Variants in TASOR observed in about 807,000 individuals in gnomAD.
TASOR encodes the protein transcription activation suppressor.
TASOR carries 53 observed loss-of-function variants against 178.6 expected under a neutral mutation model. That is an observed-to-expected ratio of 0.30 (90% CI 0.24 to 0.37). TASOR has a LOEUF of 0.37. Ranked by LOEUF, TASOR falls within the 10% of genes least tolerant of loss-of-function variation. TASOR has a pLI of 1.00. For missense variants in TASOR, 1,815 were observed against 1,971.4 expected (o/e 0.92, Z 1.50); for synonymous variants, 713 against 696.2 (o/e 1.02, Z -0.38).
chr3:56,682,981 G>T lies in TASOR; in HGVS notation c.26C>A (p.Ala9Asp). The change falls in exon 1 of 24, where the codon GCC becomes GAC. Residue 9 changes from alanine to aspartate, a missense_variant. Around this residue, in one of 5 missense-constraint regions of TASOR, gnomAD observed 244 missense variants for 202.7 expected, o/e 1.20. Coordinates refer to ENST00000683822, the MANE Select transcript of TASOR (RefSeq NM_001365635.2). ...CCAACTCGCATCCGTCGGCTGACAG[G>T]CCTCCGTCTCCACAGCAGTCGCCAT... is the stretch of plus-strand genomic sequence containing the variant. MATAVETE[A>D]CQPTDASWES... 6.5e-7 allele frequency: 1 copy of T among 1,548,780 alleles called. No individual in the cohort carries two copies. Among genetic ancestry groups the T allele is most frequent in the South Asian group, 1.2e-5 (1 of 83,936 alleles).
At chr3:56,674,431 G>C (rs189351551) in intron 1 of TASOR, among the ~76,000 whole-genome samples, 1 of 151,888 alleles carries the variant, frequency 6.6e-6, no homozygotes, top group Non-Finnish European at 1.5e-5. Context: ...GATCCTTTGA[G>C]CCCAGGAGTT....
intron 13 of TASOR, among the ~76,000 whole-genome samples, 188 bp from the exon 14 acceptor site, chr3:56,647,411 G>A (rs2077258132): frequency 6.6e-6 from 1 of 151,988 alleles, no homozygotes. Context: ...GTAAAGTCCA[G>A]GATCCTAAAA....
Position 56,673,621 on chromosome 3 carries a change from T to C in TASOR, c.436A>G (p.Arg146Gly), listed in dbSNP as rs1470765750. Residue 146 changes from arginine to glycine, a missense_variant, in exon 2 of 24, where the codon AGA becomes GGA. By Grantham distance (125) the Arg-to-Gly change is moderately radical (BLOSUM62 -2). Around this residue, in one of 5 missense-constraint regions of TASOR, gnomAD observed 244 missense variants for 202.7 expected, o/e 1.20. Coordinates refer to ENST00000683822, the MANE Select transcript of TASOR (RefSeq NM_001365635.2). ...TCATTGTGTACCAAGCAAGCACGTC[T>C]GTAGTTAAAATTTGTTACTGAGGTT... The part of the protein sequence containing the change: ...EPTSVTNFNY[R>G]RACLVHNELL... 5.2e-6 allele frequency: 8 copies of C among 1,551,228 alleles called. No individual in the cohort carries two copies. Among genetic ancestry groups the C allele is most frequent in the East Asian group, 2.4e-5 (1 of 40,864 alleles).
At chr3:56,637,385 G>A (rs1197747462) in intron 17 of TASOR, among the ~76,000 whole-genome samples, 6 of 152,150 alleles carry the variant, frequency 3.9e-5, no homozygotes, top group African/African-American at 7.2e-5. Context: ...AGCCGGGTGC[G>A]GTGGCACATG....
At chr3:56,663,518 C>A in intron 8 of TASOR, 23 bp downstream of exon 8, 1 of 1,065,372 alleles carries the variant, frequency 9.4e-7, no homozygotes, top group Non-Finnish European at 1.3e-6. Flanking sequence ...ATTTATAAAA[C>A]TAAAGAAACA....
chr3:56,653,870 C>T (rs1213266172), intron 11 of TASOR, among the ~76,000 whole-genome samples: 4 of 152,034 alleles, frequency 2.6e-5, no homozygotes, highest in African/African-American at 9.7e-5. Context: ...AATGAAAATA[C>T]TGCACATTAA....
In TASOR at chr3:56,621,494, C is replaced by T. The variant is rs371499254; in HGVS notation, c.*1543G>A. 385 of 1,279,140 alleles carry T rather than the reference C, an allele frequency of 3.0e-4. 1 individual carries two copies. Among genetic ancestry groups the T allele is most frequent in the Non-Finnish European group, 6.8e-5 (62 of 905,722 alleles). The allele number at this position is 1,279,140 out of a possible 1,614,324, so 79.2% of individuals were successfully genotyped here. ...AACACAACATTGCAAGTCAGGTGTG[C>T]ACATTTTACTAACAAACATATATCA... On this transcript the variant is annotated 3_prime_UTR_variant, in exon 24 of 24. Transcript: ENST00000683822.
At chr3:56,624,412 G>T in intron 23 of TASOR, 67 bp downstream of exon 23, 1 of 1,521,990 alleles carries the variant, frequency 6.6e-7, no homozygotes, top group South Asian at 1.2e-5. Flanking sequence ...TTCATTATTT[G>T]GTAACAGCAA....
chr3:56,626,765 C>T (rs1420780739), intron 21 of TASOR, among the ~76,000 whole-genome samples: 1 of 151,948 alleles, frequency 6.6e-6, no homozygotes, highest in Non-Finnish European at 1.5e-5. Context: ...GAAAAAAATG[C>T]TGATCATTCC....
intron 2 of TASOR, among the ~76,000 whole-genome samples, chr3:56,672,577 T>C (rs891070569): frequency 1.3e-5 from 2 of 152,228 alleles, no homozygotes; most frequent in Admixed American, 6.5e-5. Context: ...TTCTAATTTG[T>C]ACATGAAACT....
intron 18 of TASOR, among the ~76,000 whole-genome samples, chr3:56,630,750 CAGG>C (rs2076892334): frequency 6.6e-6 from 1 of 152,076 alleles, no homozygotes; most frequent in African/African-American, 2.4e-5. Flanking sequence ...GAGGATGAGG[CAGG>C]AGAATTGCTT....
chr3:56,624,492 A>G lies in TASOR; in HGVS notation c.4470T>C (p.Leu1490=). The G allele has an allele frequency of 6.2e-7, 1 of 1,612,730 alleles. No individual in the cohort carries two copies. Among genetic ancestry groups the G allele is most frequent in the South Asian group, 1.1e-5 (1 of 90,786 alleles). The change falls in exon 23 of 24, where the codon CTT becomes CTC. Residue 1490 remains leucine, a synonymous_variant. Transcript: ENST00000683822. ...NLPQLGANEN[L]ESQSALLEND... Reference sequence around the variant, plus strand: ...CTGAAAAGTTACCTGACTGCGACTCAAGATTCTCATTAGCACCAAGCTGTG... The same window carrying G: ...CTGAAAAGTTACCTGACTGCGACTCGAGATTCTCATTAGCACCAAGCTGTG...
At chr3:56,680,299 G>A (rs1174305426) in intron 1 of TASOR, among the ~76,000 whole-genome samples, 1 of 152,130 alleles carries the variant, frequency 6.6e-6, no homozygotes, top group East Asian at 1.9e-4. Flanking sequence ...GTCAATGTAT[G>A]TAAATTGCTT....
rs988644296 is a variant in TASOR at position 56,620,556 on chromosome 3, A to G, written c.*2481T>C. 6.6e-6 allele frequency: 1 copy of G among 152,220 alleles called. No individual in the cohort carries two copies. The highest frequency in any genetic ancestry group is 6.6e-5 in the Admixed American group (1 of 15,266). 9.4% of individuals were successfully genotyped at this position (152,220 alleles called of 1,614,324 possible). On this transcript the variant is annotated 3_prime_UTR_variant, in exon 24 of 24. Coordinates refer to ENST00000683822, the MANE Select transcript of TASOR (RefSeq NM_001365635.2). The stretch of plus-strand genomic sequence containing the variant: ...GCCCTTTTCCATGTCGTCATGTACC[A>G]ATACCCTCTGCATTTCAAAATGTTG...
chr3:56,679,755 T>C (rs1041926488), intron 1 of TASOR, among the ~76,000 whole-genome samples: 1 of 152,204 alleles, frequency 6.6e-6, no homozygotes, highest in East Asian at 1.9e-4. Flanking sequence ...CAATTACCAA[T>C]TTTAATTTAC....
chr3:56,621,214 T>TC lies in TASOR; in HGVS notation c.*1822dup, dbSNP rs1239740574. The TC allele has an allele frequency of 1.6e-4, 30 of 190,194 alleles. No individual in the cohort carries two copies. Among genetic ancestry groups the TC allele is most frequent in the African/African-American group, 6.6e-4 (28 of 42,646 alleles). 11.8% of individuals were successfully genotyped at this position (190,194 alleles called of 1,614,324 possible). A position where few individuals can be genotyped will look rare whatever the true frequency, so the allele number is the denominator to read the frequency against. On this transcript the variant is annotated 3_prime_UTR_variant, in exon 24 of 24. Transcript: ENST00000683822. ...AAAAACACTGTATGTTAAGGGAGAC[T>TC]CCTTCAGTATCTAAGAGCACTTGGG... is the stretch of plus-strand genomic sequence containing the variant.
intron 17 of TASOR, 45 bp downstream of exon 17, chr3:56,638,661 T>C (rs1219746695): frequency 6.2e-7 from 1 of 1,606,514 alleles, no homozygotes; most frequent in Admixed American, 1.7e-5. Context: ...GTAGCAACTC[T>C]GAAGAAGGGC....
At chr3:56,658,091 T>C (rs1214605248) in intron 11 of TASOR, among the ~76,000 whole-genome samples, 1 of 152,208 alleles carries the variant, frequency 6.6e-6, no homozygotes, top group Non-Finnish European at 1.5e-5. Flanking sequence ...TATTCCTCAA[T>C]GCACTGCTCA....
At chr3:56,640,505 C>A (rs2077099210) in intron 15 of TASOR, among the ~76,000 whole-genome samples, 1 of 152,064 alleles carries the variant, frequency 6.6e-6, no homozygotes. Flanking sequence ...CCCCGCCCCC[C>A]ATCAACTTGA....
Sources: gnomAD v4.1 joint callset for allele counts (sites outside exome capture counted in the v4.1 genomes callset) on GRCh38, gnomAD v4.1.1 for gene constraint, gnomAD v4.1.1 regional missense constraint, MANE v1.5 for transcripts, NCBI Gene and HGNC (gene_info 2026-07-23, HGNC 2026-07-21) for gene names.